Variants in L3HYPDH observed in about 807,000 individuals in gnomAD.
L3HYPDH encodes the protein trans-3-hydroxy-L-proline dehydratase.
L3HYPDH carries 32 observed loss-of-function variants against 26.5 expected under a neutral mutation model. The observed-to-expected ratio is 1.21, with a 90% CI of 0.91 to 1.62. The LOEUF (loss-of-function observed/expected upper bound fraction) is 1.62. L3HYPDH is among the 40% of genes most tolerant of loss of function. The pLI is 0.00. For missense variants in L3HYPDH, 554 were observed against 476.4 expected, an observed-to-expected ratio of 1.16 and a Z score of -1.52; for synonymous variants, 215 against 196.6, an observed-to-expected ratio of 1.09 and a Z score of -0.78.
intron 1 of L3HYPDH, among the ~76,000 whole-genome samples, chr14:59,481,478 C>A (rs1251116403): frequency 2.0e-5 from 3 of 152,162 alleles, no homozygotes; most frequent in Non-Finnish European, 4.4e-5. Context: ...AAGCCCAAAC[C>A]CTTTCTACTA....
intron 1 of L3HYPDH, among the ~76,000 whole-genome samples, chr14:59,465,883 C>T (rs1349149480): frequency 6.6e-6 from 1 of 152,158 alleles, no homozygotes; most frequent in African/African-American, 2.4e-5. Context: ...TGAACCCCAG[C>T]GTTTCGAATA....
chr14:59,480,490 C>T lies in L3HYPDH; in HGVS notation c.509-1139G>A, dbSNP rs573690614. ...ACAGCACTTTTAAGAAACCTTTGCT[C>T]ACACATATCAGGAAAGGGGACAACA... On this transcript the variant is annotated intron_variant, in intron 1 of 4. Coordinates refer to ENST00000247194, the MANE Select transcript of L3HYPDH (RefSeq NM_144581.2). Among the ~76,000 whole-genome samples the T allele has an allele frequency of 3.3e-5, 5 of 152,318 alleles. No homozygotes were observed. In the East Asian group the frequency reaches 5.8e-4, roughly 18 times the overall value.
upstream of L3HYPDH, chr14:59,485,230 A>T (rs749277034): frequency 3.5e-6 from 4 of 1,138,612 alleles, no homozygotes; most frequent in Non-Finnish European, 3.7e-6. Context: ...CATCTACTAG[A>T]TGTAAAGCCC....
At chr14:59,485,049 T>C (rs189239284), upstream of L3HYPDH, 933 of 1,598,326 alleles carry the variant, frequency 5.8e-4, 7 homozygotes, top group African/African-American at 0.011. Context: ...CTTAAAACTT[T>C]AGCCATCGTT....
chr14:59,491,595 G>C, the L3HYPDH span, among the ~76,000 whole-genome samples: 3 of 152,216 alleles, frequency 2.0e-5, no homozygotes, highest in Non-Finnish European at 2.9e-5. Flanking sequence ...CAGGAGTTCT[G>C]TTTCCAACAA....
At chr14:59,481,931 A>C (rs562962950) in intron 1 of L3HYPDH, among the ~76,000 whole-genome samples, 1 of 152,256 alleles carries the variant, frequency 6.6e-6, no homozygotes. Context: ...CAGATTAGGG[A>C]CTCGAAAGCC....
At chr14:59,495,122 C>T in the L3HYPDH span, 1 of 1,612,998 alleles carries the variant, frequency 6.2e-7, no homozygotes, top group Non-Finnish European at 8.5e-7. Flanking sequence ...TATATTCGTT[C>T]ATGTCGAGTA....
At position 59,484,064 on chromosome 14, in the gene L3HYPDH, G is replaced by A. The variant is rs756278770; in HGVS notation, c.253C>T (p.Leu85=). The change falls in exon 1 of 5, where the codon CTG becomes TTG. Residue 85 remains leucine, a synonymous_variant. Transcript: ENST00000247194. ...MYGAVLVPSE[L]PDAHLGVLFL... ...AGGACGCCCAGATGCGCGTCCGGCA[G>A]CTCGCTCGGGACTAGGACCGCCCCG... is the stretch of plus-strand genomic sequence containing the variant. 16 of 1,607,018 alleles carry A rather than the reference G, an allele frequency of 1.0e-5. No homozygotes were observed. The highest frequency in any genetic ancestry group is 1.4e-5 in the Non-Finnish European group (16 of 1,179,598).
At chr14:59,479,150 G>C (rs1449537548) in intron 2 of L3HYPDH, 32 bp downstream of exon 2, 2 of 1,506,774 alleles carry the variant, frequency 1.3e-6, no homozygotes, top group African/African-American at 2.9e-5. Flanking sequence ...CACAGAGAAG[G>C]GAATTGGTTA....
chr14:59,490,447 G>T, the L3HYPDH span, among the ~76,000 whole-genome samples: 1 of 152,186 alleles, frequency 6.6e-6, no homozygotes, highest in Non-Finnish European at 1.5e-5. Context: ...ATTGGTGAAG[G>T]TCTGGTGTAT....
rs528801987 is a variant in L3HYPDH at position 59,472,882 on chromosome 14, T to C, written c.*83A>G. The C allele has an allele frequency of 1.2e-5, 15 of 1,235,794 alleles. No individual in the cohort carries two copies. In the African/African-American group the frequency reaches 2.1e-4, roughly 17 times the overall value. The allele number at this position is 1,235,794 out of a possible 1,614,324, so 76.6% of individuals were successfully genotyped here. A position where few individuals can be genotyped will look rare whatever the true frequency, so the allele number is the denominator to read the frequency against. ...AGAGTTAGTTTATATGTATAATTTA[T>C]TTGTTTTCATATAATTTAGAGAAAA... On this transcript the variant is annotated 3_prime_UTR_variant, in exon 5 of 5. Coordinates refer to ENST00000247194, the MANE Select transcript of L3HYPDH (RefSeq NM_144581.2).
the L3HYPDH span, chr14:59,504,323 C>T: frequency 2.2e-6 from 1 of 452,548 alleles, no homozygotes; most frequent in Non-Finnish European, 3.9e-6. Context: ...GCCCTTGCTT[C>T]TCTCAACAGT....
In L3HYPDH at chr14:59,484,089, G is replaced by A. The variant is rs1367323214; in HGVS notation, c.228C>T (p.Tyr76=). 2.5e-6 allele frequency: 4 copies of A among 1,606,558 alleles called. No homozygotes were observed. The highest frequency in any genetic ancestry group is 2.2e-5 in the South Asian group (2 of 90,908). The change falls in exon 1 of 5, where the codon TAC becomes TAT. Residue 76 remains tyrosine, a synonymous_variant. Transcript: ENST00000247194. ...GCTCGCTCGGGACTAGGACCGCCCC[G>A]TACATGTCCCGGTGCCCTCGGGGCT... is the stretch of plus-strand genomic sequence containing the variant. ...MFEPRGHRDM[Y]GAVLVPSELP...
chr14:59,480,005 ATC>A (rs1889901225), intron 1 of L3HYPDH, among the ~76,000 whole-genome samples: 1 of 152,122 alleles, frequency 6.6e-6, no homozygotes, highest in Non-Finnish European at 1.5e-5. Flanking sequence ...GTAGTTTGAA[ATC>A]TTGAATCTGT....
downstream of L3HYPDH, among the ~76,000 whole-genome samples, chr14:59,470,124 G>A (rs536535436): frequency 8.5e-5 from 13 of 152,264 alleles, no homozygotes; most frequent in South Asian, 2.5e-3. Context: ...GTACTTGTGA[G>A]CGCTATCCTT....
chr14:59,501,099 G>T, the L3HYPDH span: 457 of 798,870 alleles, frequency 5.7e-4, 10 homozygotes, highest in South Asian at 5.9e-3. Flanking sequence ...GAAAGGATTT[G>T]ACTCTAAGGA....
At chr14:59,478,443 G>A (rs548731812) in intron 2 of L3HYPDH, among the ~76,000 whole-genome samples, 5 of 152,188 alleles carry the variant, frequency 3.3e-5, no homozygotes, top group Non-Finnish European at 5.9e-5. Context: ...ATTTAGCTGG[G>A]TGTGATGGGG....
chr14:59,467,654 C>T (rs1169544090), downstream of L3HYPDH, among the ~76,000 whole-genome samples: 3 of 152,138 alleles, frequency 2.0e-5, no homozygotes, highest in Admixed American at 1.3e-4. Flanking sequence ...ATATTCATTA[C>T]TCAAATTATG....
chr14:59,495,692 A>G, the L3HYPDH span, among the ~76,000 whole-genome samples: 1 of 152,200 alleles, frequency 6.6e-6, no homozygotes, highest in Non-Finnish European at 1.5e-5. Flanking sequence ...AATCAAATTC[A>G]TTTTGATATT....
Sources: gnomAD v4.1 joint callset for allele counts (sites outside exome capture counted in the v4.1 genomes callset) on GRCh38, gnomAD v4.1.1 for gene constraint, MANE v1.5 for transcripts, NCBI Gene and HGNC (gene_info 2026-07-23, HGNC 2026-07-21) for gene names.